Variants in TIAM1 observed in about 807,000 individuals in gnomAD.
TIAM1 encodes the protein rho guanine nucleotide exchange factor TIAM1.
Under a neutral mutation model 163.5 loss-of-function variants are expected in TIAM1, and 65 were observed. The ratio of observed to expected loss-of-function variants is 0.40; its 90% confidence interval spans 0.33 to 0.49. TIAM1 has a LOEUF of 0.49. Ranked by LOEUF, TIAM1 falls within the 20% of genes least tolerant of loss-of-function variation. The pLI is 0.77. For synonymous variants in TIAM1, 833 were observed against 810.1 expected (o/e 1.03, Z -0.48); for missense variants, 1,789 against 2,044.7 (o/e 0.87, Z 2.41).
At chr21:31,355,218 C>T (rs942352780) in intron 2 of TIAM1, among the ~76,000 whole-genome samples, 2 of 151,524 alleles carry the variant, frequency 1.3e-5, no homozygotes, top group Non-Finnish European at 2.9e-5. Flanking sequence ...GCCCATTAAC[C>T]GTCTGGTAGA....
At chr21:31,473,663 C>T (rs908060853) in intron 1 of TIAM1, among the ~76,000 whole-genome samples, 8 of 151,584 alleles carry the variant, frequency 5.3e-5, no homozygotes, top group East Asian at 3.9e-4. Flanking sequence ...GGAAAACAAC[C>T]GGAAGTGGAG....
At chr21:31,278,589 G>A (rs1210112388) in intron 2 of TIAM1, among the ~76,000 whole-genome samples, 1 of 152,118 alleles carries the variant, frequency 6.6e-6, no homozygotes, top group East Asian at 1.9e-4. Flanking sequence ...CCTATTTTGT[G>A]GAAAGGAGCC....
intron 2 of TIAM1, among the ~76,000 whole-genome samples, chr21:31,396,660 A>T (rs1199874555): frequency 1.3e-5 from 2 of 150,482 alleles, no homozygotes; most frequent in African/African-American, 4.9e-5. Flanking sequence ...ATATAAAACA[A>T]AATATTGGGC....
At position 31,219,024 on chromosome 21, in the gene TIAM1, CTT is replaced by C. The variant is rs35555743; in HGVS notation, c.1996-1327_1996-1326del. Among the ~76,000 whole-genome samples, 736 of 88,394 alleles carry C rather than the reference CTT, an allele frequency of 8.3e-3. 5 individuals are homozygous for C. Among genetic ancestry groups the C allele is most frequent in the African/African-American group, 0.026 (683 of 25,962 alleles). 58.0% of individuals were successfully genotyped at this position (88,394 alleles called of 152,430 possible). ...TGCCAGCAACCCAGAGAAGCATTTC[CTT>C]TTTTTTTTTTTTTTTTTTTTTTTTT... On this transcript the variant is annotated intron_variant, in intron 8 of 27. Transcript: ENST00000541036.
intron 2 of TIAM1, among the ~76,000 whole-genome samples, chr21:31,336,865 G>C (rs1389422114): frequency 2.0e-5 from 3 of 152,156 alleles, no homozygotes; most frequent in Non-Finnish European, 4.4e-5. Flanking sequence ...TAACCAACAA[G>C]GACAGGTGCC....
chr21:31,368,953 T>C (rs1283746728), intron 2 of TIAM1, among the ~76,000 whole-genome samples: 2 of 152,054 alleles, frequency 1.3e-5, no homozygotes, highest in East Asian at 1.9e-4. Context: ...AAGAAAGGGA[T>C]GATAGGTCGG....
intron 1 of TIAM1, among the ~76,000 whole-genome samples, chr21:31,473,169 G>A (rs572193354): frequency 2.0e-5 from 3 of 152,222 alleles, no homozygotes; most frequent in East Asian, 1.9e-4. Flanking sequence ...GGTGGCTCAC[G>A]CCTGTAATCC....
chr21:31,285,300 C>T (rs1284893866), intron 2 of TIAM1, among the ~76,000 whole-genome samples: 2 of 152,114 alleles, frequency 1.3e-5, no homozygotes, highest in African/African-American at 4.8e-5. Flanking sequence ...ACTCAAGAGG[C>T]CAGGGTGGCA....
chr21:31,202,853 A>G, intron 12 of TIAM1, 55 bp downstream of exon 12: 2 of 1,497,898 alleles, frequency 1.3e-6, no homozygotes, highest in Admixed American at 1.7e-5. Context: ...GAGAACACTC[A>G]TAATTTGAAG....
rs371956648 is a variant in TIAM1, at chr21:31,166,296, T to C, written c.2888-1231A>G. Among the ~76,000 whole-genome samples the C allele has an allele frequency of 7.5e-4, 114 of 152,282 alleles. 2 individuals carry two copies. The South Asian group carries it at 0.022, about 30-fold the overall frequency. The stretch of plus-strand genomic sequence containing the variant: ...GGCACTGGATCACGGACTAGAGCAC[T>C]ATCAATATAACCAGACAAGAGAGAA... On this transcript the variant is annotated intron_variant, in intron 15 of 27. Coordinates refer to ENST00000541036, the MANE Select transcript of TIAM1 (RefSeq NM_001353694.2).
At chr21:31,461,303 G>C (rs987282190) in intron 2 of TIAM1, among the ~76,000 whole-genome samples, 4 of 152,036 alleles carry the variant, frequency 2.6e-5, no homozygotes, top group African/African-American at 9.7e-5. Context: ...GGTCAACATG[G>C]TGTAACCCCG....
intron 1 of TIAM1, among the ~76,000 whole-genome samples, chr21:31,474,564 A>C (rs1370970904): frequency 1.6e-5 from 2 of 127,710 alleles, no homozygotes; most frequent in African/African-American, 3.2e-5. Flanking sequence ...TTTTTTTTTG[A>C]GATGGAGTTT....
intron 2 of TIAM1, among the ~76,000 whole-genome samples, chr21:31,365,397 T>C (rs865939957): frequency 6.7e-6 from 1 of 149,326 alleles, no homozygotes; most frequent in Non-Finnish European, 1.5e-5. Flanking sequence ...CTTTTTTTTT[T>C]TTTTTTTTTG....
Position 31,395,258 on chromosome 21 carries a change from G to T in TIAM1, c.-368-55836C>A, listed in dbSNP as rs963907529. Among the ~76,000 whole-genome samples the T allele has an allele frequency of 6.6e-6, 1 of 151,912 alleles. No homozygotes were observed. Among genetic ancestry groups the T allele is most frequent in the East Asian group, 1.9e-4 (1 of 5,162 alleles). On this transcript the variant is annotated intron_variant, in intron 2 of 28. Transcript: ENST00000286827. The surrounding 1 kb of genome is among the most constrained non-coding windows in gnomAD (Gnocchi z 7.5). The stretch of plus-strand genomic sequence containing the variant: ...GTCTCAAAAAAAAAAAAGAGGAGGT[G>T]GGGGGAGAACAAAACTAGTAATTGG...
chr21:31,232,152 A>G (rs932930902), intron 6 of TIAM1, among the ~76,000 whole-genome samples: 1 of 151,854 alleles, frequency 6.6e-6, no homozygotes, highest in Non-Finnish European at 1.5e-5. Context: ...AAAAGAAAAA[A>G]TAATTATAAA....
intron 8 of TIAM1, 24 bp from the exon 9 acceptor site, chr21:31,217,723 C>T (rs1267266500): frequency 6.2e-7 from 1 of 1,610,114 alleles, no homozygotes; most frequent in Non-Finnish European, 8.5e-7. Context: ...GGACAAGCAG[C>T]CACAAGGGAG....
chr21:31,279,155 T>C (rs2073433729), intron 2 of TIAM1, among the ~76,000 whole-genome samples: 1 of 151,860 alleles, frequency 6.6e-6, no homozygotes, highest in African/African-American at 2.4e-5. Flanking sequence ...AAAAAAAAAC[T>C]ATACAGAGAG....
intron 2 of TIAM1, among the ~76,000 whole-genome samples, chr21:31,462,632 A>G (rs966482882): frequency 6.6e-6 from 1 of 152,196 alleles, no homozygotes; most frequent in Non-Finnish European, 1.5e-5. Context: ...CCTCTCCCTC[A>G]CAGAAGCAGC....
chr21:31,191,262 A>G (rs1053510881), intron 13 of TIAM1, among the ~76,000 whole-genome samples: 2 of 152,024 alleles, frequency 1.3e-5, no homozygotes, highest in African/African-American at 4.8e-5. Flanking sequence ...CCCAGGTTCA[A>G]GTGATTCTCC....
Sources: allele counts gnomAD v4.1 joint callset (sites outside exome capture counted in the v4.1 genomes callset), GRCh38; gene constraint gnomAD v4.1.1; non-coding constraint Gnocchi (gnomAD v3.1); transcripts MANE v1.5; gene names NCBI Gene and HGNC (gene_info 2026-07-23, HGNC 2026-07-21).